Variants in SRXN1 observed in about 807,000 individuals in gnomAD.
The protein encoded by SRXN1 is sulfiredoxin 1.
SRXN1 carries 11 observed loss-of-function variants against 11.0 expected under a neutral mutation model. The ratio of observed to expected loss-of-function variants is 1.00; its 90% CI spans 0.63 to 1.65. The LOEUF is 1.65. Ranked by LOEUF, SRXN1 falls within the 40% of genes most tolerant of loss-of-function variation. The pLI, the probability that SRXN1 is intolerant of heterozygous loss-of-function variation, is 0.00. For missense variants in SRXN1, 211 were observed against 194.5 expected (o/e 1.08, Z -0.50); for synonymous variants, 106 against 92.8 (o/e 1.14, Z -0.82).
intron 1 of SRXN1, among the ~76,000 whole-genome samples, chr20:652,391 C>T (rs1983695597): frequency 6.6e-6 from 1 of 152,156 alleles, no homozygotes; most frequent in Admixed American, 6.5e-5. Context: ...GTATTCTTAA[C>T]ACCCTTCCTC....
chr20:648,092 G>C lies in SRXN1; in HGVS notation c.*622C>G, dbSNP rs6053663. 1 of 456,310 alleles carries C rather than the reference G, an allele frequency of 2.2e-6. No homozygotes were observed. The highest frequency in any genetic ancestry group is 4.4e-6 in the Non-Finnish European group (1 of 226,976). 28.3% of individuals were successfully genotyped at this position (456,310 alleles called of 1,614,324 possible). A position where few individuals can be genotyped will look rare whatever the true frequency, so the allele number is the denominator to read the frequency against. ...GACGAGGTTTTACTTTCTGATAGAA[G>C]GTGACGGGTCCAGCTAGTTTGGCCC... On this transcript the variant is annotated 3_prime_UTR_variant, in exon 2 of 2. Coordinates refer to ENST00000381962, the MANE Select transcript of SRXN1 (RefSeq NM_080725.3).
chr20:653,058 T>TA lies in SRXN1; in HGVS notation c.127_128insT (p.Asn43IlefsTer49). Reference sequence around the variant, plus strand: ...CCGGATGAGCACGCTCAGCGGCACGTTGTGCACCGCGGCGATGCGGCCCGA... The same window carrying TA: ...CCGGATGAGCACGCTCAGCGGCACGTATGTGCACCGCGGCGATGCGGCCCGA... On this transcript the variant is annotated frameshift_variant, in exon 1 of 2. Transcript: ENST00000381962. LOFTEE classifies it high-confidence loss of function. The TA allele has an allele frequency of 6.5e-7, 1 of 1,545,342 alleles. No homozygotes were observed. The highest frequency in any genetic ancestry group is 2.5e-5 in the East Asian group (1 of 39,888).
chr20:651,968 C>T (rs985823615), intron 1 of SRXN1, among the ~76,000 whole-genome samples: 8 of 152,310 alleles, frequency 5.3e-5, no homozygotes, highest in South Asian at 2.1e-4. Flanking sequence ...ACGAGGTCCT[C>T]GCCCTTGTGG....
At position 652,876 on chromosome 20, in the gene SRXN1, A is replaced by G. The variant is rs1983708804; in HGVS notation, c.210+100T>C. On this transcript the variant is annotated intron_variant, in intron 1 of 1. Coordinates refer to ENST00000381962, the MANE Select transcript of SRXN1 (RefSeq NM_080725.3). ...GAGGCTGAGCTCCGGCTGGGCCCGGAACCAGTCCGTCTCGCGTCCATCGCA... is the reference window on the plus strand; with the variant it reads ...GAGGCTGAGCTCCGGCTGGGCCCGGGACCAGTCCGTCTCGCGTCCATCGCA... 8.4e-6 allele frequency: 11 copies of G among 1,302,498 alleles called. No individual in the cohort carries two copies. The South Asian group carries it at 2.3e-4, about 27-fold the overall frequency. 80.7% of individuals were successfully genotyped at this position (1,302,498 alleles called of 1,614,324 possible).
intron 1 of SRXN1, 38 bp from the exon 2 acceptor site, chr20:648,955 A>G: frequency 6.2e-7 from 1 of 1,607,918 alleles, no homozygotes; most frequent in Non-Finnish European, 8.5e-7. Context: ...GACATGGTAC[A>G]AGGCTTGAGA....
rs761071104 is a variant in SRXN1, at chr20:648,213, A to C, written c.*501T>G. On this transcript the variant is annotated 3_prime_UTR_variant, in exon 2 of 2. Transcript: ENST00000381962. ...CCATGAAGTAACGAGCACTGAGATT[A>C]AGGCAAAAGGATCCAAGACGTGACC... The C allele has an allele frequency of 1.3e-5, 6 of 456,262 alleles. No homozygotes were observed. The highest frequency in any genetic ancestry group is 7.7e-5 in the South Asian group (5 of 64,574). The allele number at this position is 456,262 out of a possible 1,614,324, so 28.3% of individuals were successfully genotyped here.
In SRXN1 at chr20:653,133, GC is replaced by G. The variant is rs1266455729; in HGVS notation, c.52del (p.Ala18ArgfsTer29). 6.1e-6 allele frequency: 8 copies of G among 1,312,430 alleles called. No homozygotes were observed. Among genetic ancestry groups the G allele is most frequent in the South Asian group, 2.2e-5 (1 of 46,424 alleles). 81.3% of individuals were successfully genotyped at this position (1,312,430 alleles called of 1,614,324 possible). On this transcript the variant is annotated frameshift_variant, in exon 1 of 2. Coordinates refer to ENST00000381962, the MANE Select transcript of SRXN1 (RefSeq NM_080725.3). LOFTEE classifies it high-confidence loss of function. ...GCCGCTCGGCCCGGGCCCCTCGGGC[GC>G]CCCCCGACCCGCGCCGGCCCTGCCC... ...TLGRAGAGRG[A>X]PEGPGPSGGA... is the part of the protein sequence containing the mutation.
rs548474579 is a variant in SRXN1 at position 651,660 on chromosome 20, G to C, written c.210+1316C>G. 3.3e-5 allele frequency among the ~76,000 whole-genome samples: 5 copies of C among 151,730 alleles called. No homozygotes were observed. The East Asian group carries it at 9.7e-4, about 29-fold the overall frequency. On this transcript the variant is annotated intron_variant, in intron 1 of 1. Transcript: ENST00000381962. Reference sequence around the variant, plus strand: ...GATCGTGCCACTGCACTCCAGCCAGGGTGACAGACCCAGACAACGTCTTAA... The same window carrying C: ...GATCGTGCCACTGCACTCCAGCCAGCGTGACAGACCCAGACAACGTCTTAA...
Position 648,831 on chromosome 20 carries a change from G to A in SRXN1, c.297C>T (p.Cys99=), listed in dbSNP as rs201937301. 180 of 1,614,114 alleles carry A rather than the reference G, an allele frequency of 1.1e-4. 1 individual carries two copies. The highest frequency in any genetic ancestry group is 1.8e-4 in the Admixed American group (11 of 60,010). The change falls in exon 2 of 2, where the codon TGC becomes TGT. Residue 99 remains cysteine (C), a synonymous_variant. Coordinates refer to ENST00000381962, the MANE Select transcript of SRXN1 (RefSeq NM_080725.3). ...GGDYFYSFGG[C]HRYAAYQQLQ... is the part of the protein sequence containing the mutation. ...GTTGCTGGTAGGCCGCGTAGCGGTGGCAGCCCCCAAAGGAGTAGAAGTAGT... is the reference window on the plus strand; with the variant it reads ...GTTGCTGGTAGGCCGCGTAGCGGTGACAGCCCCCAAAGGAGTAGAAGTAGT...
Position 648,435 on chromosome 20 carries a change from G to A in SRXN1, c.*279C>T, listed in dbSNP as rs112539642. On this transcript the variant is annotated 3_prime_UTR_variant, in exon 2 of 2. Coordinates refer to ENST00000381962, the MANE Select transcript of SRXN1 (RefSeq NM_080725.3). ...TCCTTGTCCTTGGGAATTTGGAGCC[G>A]GCAGCACGTGGCTCTTCAAGCCCAT... is the stretch of plus-strand genomic sequence containing the variant. The A allele has an allele frequency of 3.4e-4, 208 of 604,034 alleles. No homozygotes were observed. Among genetic ancestry groups the A allele is most frequent in the African/African-American group, 3.0e-3 (163 of 55,154 alleles). The allele number at this position is 604,034 out of a possible 1,614,324, so 37.4% of individuals were successfully genotyped here.
At chr20:652,594 A>C (rs1052412315) in intron 1 of SRXN1, among the ~76,000 whole-genome samples, 1 of 152,046 alleles carries the variant, frequency 6.6e-6, no homozygotes, top group South Asian at 2.1e-4. Context: ...CAGCCGTGTC[A>C]CTTTTTAAGC....
chr20:650,543 C>T (rs765167156), intron 1 of SRXN1, among the ~76,000 whole-genome samples: 2 of 152,170 alleles, frequency 1.3e-5, no homozygotes, highest in South Asian at 2.1e-4. Flanking sequence ...GTGTGAGCGG[C>T]GTGGAAGGCC....
Position 649,028 on chromosome 20 carries a change from C to T in SRXN1, c.211-111G>A, listed in dbSNP as rs1983609498. On this transcript the variant is annotated intron_variant, in intron 1 of 1. Transcript: ENST00000381962. ...CTTATAAGGTGATCACACTGGACTA[C>T]TGTGAGAGACAACTGTTAATTATCA... 3 of 1,097,924 alleles carry T rather than the reference C, an allele frequency of 2.7e-6. No individual in the cohort carries two copies. The Admixed American group carries it at 7.2e-5, about 26-fold the overall frequency. 68.0% of individuals were successfully genotyped at this position (1,097,924 alleles called of 1,614,324 possible).
At position 647,982 on chromosome 20, in the gene SRXN1, C is replaced by G. The variant is rs149427435; in HGVS notation, c.*732G>C. ...TTCCCTGCTGTCTTAGCTTTGTTTG[C>G]AGCTAGAGGTGCAATGGTAGCTGGC... is the stretch of plus-strand genomic sequence containing the variant. On this transcript the variant is annotated 3_prime_UTR_variant, in exon 2 of 2. Coordinates refer to ENST00000381962, the MANE Select transcript of SRXN1 (RefSeq NM_080725.3). 3.9e-4 allele frequency: 168 copies of G among 428,504 alleles called. No individual in the cohort carries two copies. Among genetic ancestry groups the G allele is most frequent in the African/African-American group, 3.2e-3 (161 of 49,576 alleles). The allele number at this position is 428,504 out of a possible 1,614,324, so 26.5% of individuals were successfully genotyped here.
chr20:647,638 C>A lies in SRXN1; in HGVS notation c.*1076G>T. ...AGCCAACAGCCTGTCACCTGCCAGG[C>A]AAGTGAGTAAGGCTATCCTAGACCA... is the stretch of plus-strand genomic sequence containing the variant. On this transcript the variant is annotated 3_prime_UTR_variant, in exon 2 of 2. Coordinates refer to ENST00000381962, the MANE Select transcript of SRXN1 (RefSeq NM_080725.3). 5.6e-6 allele frequency: 1 copy of A among 178,814 alleles called. No homozygotes were observed. 11.1% of individuals were successfully genotyped at this position (178,814 alleles called of 1,614,324 possible). A position where few individuals can be genotyped will look rare whatever the true frequency, so the allele number is the denominator to read the frequency against.
Position 649,738 on chromosome 20 carries a change from G to A in SRXN1, c.211-821C>T, listed in dbSNP as rs959058470. ...AAAAAGAGAGAAGTGGAATAGTTTC[G>A]ATTAAGAGCTCAACTGCCTGGGTTC... On this transcript the variant is annotated intron_variant, in intron 1 of 1. Transcript: ENST00000381962. Among the ~76,000 whole-genome samples, 5 of 151,286 alleles carry A rather than the reference G, an allele frequency of 3.3e-5. No individual in the cohort carries two copies. In the South Asian group the frequency reaches 8.3e-4, roughly 25 times the overall value.
intron 1 of SRXN1, among the ~76,000 whole-genome samples, chr20:651,001 G>A (rs934956422): frequency 1.3e-5 from 2 of 152,222 alleles, no homozygotes; most frequent in Non-Finnish European, 2.9e-5. Flanking sequence ...TATCTAGATG[G>A]GTCGAATGCC....
At position 653,124 on chromosome 20, in the gene SRXN1, C is replaced by A; in HGVS notation, c.62G>T (p.Gly21Val). The A allele has an allele frequency of 7.5e-7, 1 of 1,330,168 alleles. No homozygotes were observed. Among genetic ancestry groups the A allele is most frequent in the Non-Finnish European group, 9.6e-7 (1 of 1,045,582 alleles). 82.4% of individuals were successfully genotyped at this position (1,330,168 alleles called of 1,614,324 possible). Residue 21 changes from glycine to valine, a missense_variant, in exon 1 of 2, where the codon GGG becomes GTG. By Grantham distance (109) the Gly-to-Val change is moderately radical. Coordinates refer to ENST00000381962, the MANE Select transcript of SRXN1 (RefSeq NM_080725.3). ...RAGAGRGAPEGPGPSGGAQGG... is the reference protein window; with the variant it reads ...RAGAGRGAPEVPGPSGGAQGG... The stretch of plus-strand genomic sequence containing the variant: ...CTGCGCGCCGCCGCTCGGCCCGGGC[C>A]CCTCGGGCGCCCCCCGACCCGCGCC...
At chr20:650,819 T>G (rs979415559) in intron 1 of SRXN1, among the ~76,000 whole-genome samples, 1 of 152,232 alleles carries the variant, frequency 6.6e-6, no homozygotes, top group Non-Finnish European at 1.5e-5. Flanking sequence ...AGGGCAGCCG[T>G]GCCAGGCAGG....
Sources: gnomAD v4.1 joint callset for allele counts (sites outside exome capture counted in the v4.1 genomes callset) on GRCh38, gnomAD v4.1.1 for gene constraint, MANE v1.5 for transcripts, NCBI Gene and HGNC (gene_info 2026-07-23, HGNC 2026-07-21) for gene names.